SOCS7: variants seen among roughly 807,000 people sequenced by gnomAD.
The protein encoded by SOCS7 is NAP-4.
Under a neutral mutation model 58.9 loss-of-function variants are expected in SOCS7, and 18 were observed. The ratio of observed to expected loss-of-function variants is 0.31; its 90% CI spans 0.21 to 0.45. SOCS7 has a LOEUF of 0.45. Ranked by LOEUF, SOCS7 falls within the 20% of genes least tolerant of loss-of-function variation. SOCS7 has a pLI of 1.00. For synonymous variants in SOCS7, 388 were observed against 364.3 expected, an observed-to-expected ratio of 1.06 and a Z score of -0.74; for missense variants, 667 against 837.3, an observed-to-expected ratio of 0.80 and a Z score of 2.51.
At chr17:38,382,437 CAAA>C (rs1190332565) in intron 7 of SOCS7, among the ~76,000 whole-genome samples, 1,303 of 68,526 alleles carry the variant, frequency 0.019, 21 homozygotes, top group African/African-American at 0.065. Flanking sequence ...GACCCTATCT[CAAA>C]AAAAAAAAAA....
chr17:38,352,827 C>T lies in SOCS7; in HGVS notation c.775C>T (p.Pro259Ser), dbSNP rs1447679165. The change falls in exon 1 of 10, where the codon CCC (proline) becomes TCC (serine). Residue 259 changes from proline to serine, a missense_variant. Physicochemically the swap from Pro to Ser is moderately conservative, Grantham distance 74 (BLOSUM62 -1). Coordinates refer to ENST00000612932, the MANE Select transcript of SOCS7 (RefSeq NM_014598.4). This position sits in a 1 kb window ranked among gnomAD's most constrained non-coding sequence, Gnocchi z 5.5. ...GCAACCTCCCCCGCCCCCGCCTCCT[C>T]CCGGGCCCCTCCGGCCACTCGCGGG... Reference protein sequence around the residue: ...QQQPPPPPPPPGPLRPLAGPS... With the variant: ...QQQPPPPPPPSGPLRPLAGPS... 1.3e-6 allele frequency: 2 copies of T among 1,565,376 alleles called. No individual in the cohort carries two copies. The highest frequency in any genetic ancestry group is 1.7e-6 in the Non-Finnish European group (2 of 1,155,412).
intron 7 of SOCS7, among the ~76,000 whole-genome samples, chr17:38,381,957 A>AAC: frequency 6.7e-6 from 1 of 148,562 alleles, no homozygotes; most frequent in South Asian, 2.1e-4. Flanking sequence ...AAAAAAAAAA[A>AAC]AAAAAAAAAA....
At chr17:38,393,570 G>A (rs1401735007) in intron 7 of SOCS7, among the ~76,000 whole-genome samples, 1 of 151,994 alleles carries the variant, frequency 6.6e-6, no homozygotes, top group African/African-American at 2.4e-5. Context: ...CTAGGAGTTG[G>A]AGCTTGCAGT....
At chr17:38,371,950 G>A (rs188364754) in intron 6 of SOCS7, among the ~76,000 whole-genome samples, 18 of 151,982 alleles carry the variant, frequency 1.2e-4, no homozygotes. Flanking sequence ...GAAAGACTTA[G>A]ATTTCTATTT....
In SOCS7 at chr17:38,352,386, C is replaced by G. The variant is rs1222649026; in HGVS notation, c.334C>G (p.Arg112Gly). The G allele has an allele frequency of 7.0e-7, 1 of 1,436,078 alleles. No individual in the cohort carries two copies. Among genetic ancestry groups the G allele is most frequent in the East Asian group, 2.8e-5 (1 of 36,142 alleles). 89.0% of individuals were successfully genotyped at this position (1,436,078 alleles called of 1,614,324 possible). A position where few individuals can be genotyped will look rare whatever the true frequency, so the allele number is the denominator to read the frequency against. ...KALPPGLALE[R>G]TWGPAAGLEA... The stretch of plus-strand genomic sequence containing the variant: ...CCTGCCGCCGGGCTTGGCGCTCGAG[C>G]GGACCTGGGGCCCGGCGGCTGGACT... The change falls in exon 1 of 10, where the codon CGG (arginine) becomes GGG (glycine). Residue 112 changes from arginine to glycine, a missense_variant. By Grantham distance (125) the Arg-to-Gly change is moderately radical (BLOSUM62 -2). This residue lies in a region of SOCS7 where 154 missense variants were observed against 156.3 expected (regional missense o/e 0.98). Transcript: ENST00000612932. This position sits in a 1 kb window ranked among gnomAD's most constrained non-coding sequence, Gnocchi z 5.5.
chr17:38,358,352 C>A lies in SOCS7; in HGVS notation c.981-3359C>A, dbSNP rs587629241. Among the ~76,000 whole-genome samples, 267 of 152,292 alleles carry A rather than the reference C, an allele frequency of 1.8e-3. 1 individual carries two copies. The highest frequency in any genetic ancestry group is 6.8e-3 in the Middle Eastern group (2 of 294). ...TATTGCTCTCCAAAATATAGTGTGTCAGCTTAGAATGGCCTTTTATCATTC... is the reference window on the plus strand; with the variant it reads ...TATTGCTCTCCAAAATATAGTGTGTAAGCTTAGAATGGCCTTTTATCATTC... On this transcript the variant is annotated intron_variant, in intron 1 of 9. Coordinates refer to ENST00000612932, the MANE Select transcript of SOCS7 (RefSeq NM_014598.4).
intron 1 of SOCS7, among the ~76,000 whole-genome samples, chr17:38,359,502 A>T (rs1025484207): frequency 1.3e-4 from 20 of 152,348 alleles, no homozygotes; most frequent in Middle Eastern, 3.4e-3. Flanking sequence ...AAGCTCAGAC[A>T]TCAGTGTTAA....
intron 1 of SOCS7, among the ~76,000 whole-genome samples, chr17:38,356,098 C>T (rs777174413): frequency 6.6e-6 from 1 of 151,898 alleles, no homozygotes; most frequent in Non-Finnish European, 1.5e-5. Context: ...GCCATGTTTG[C>T]CAGGTTGGTC....
intron 3 of SOCS7, 42 bp downstream of exon 3, chr17:38,364,898 G>A (rs1246611294): frequency 1.3e-6 from 2 of 1,491,094 alleles, no homozygotes; most frequent in Non-Finnish European, 1.9e-6. Context: ...CTAGTGGGAG[G>A]GTGAGCTCCA....
chr17:38,398,835 G>C (rs1295184538), intron 9 of SOCS7, among the ~76,000 whole-genome samples: 2 of 152,112 alleles, frequency 1.3e-5, no homozygotes, highest in Non-Finnish European at 2.9e-5. Flanking sequence ...GTTCACGTCT[G>C]TAATCCCAGC....
chr17:38,361,727 A>G lies in SOCS7; in HGVS notation c.997A>G (p.Arg333Gly). 3 of 1,613,706 alleles carry G rather than the reference A, an allele frequency of 1.9e-6. No homozygotes were observed. Among genetic ancestry groups the G allele is most frequent in the South Asian group, 1.1e-5 (1 of 91,076 alleles). ...LDAGRKPKLT[R>G]TQSAFSPVSF... ...ACTCCCTAGGAAACCCAAGTTGACA[A>G]GAACTCAAAGTGCCTTTTCTCCGGT... Residue 333 changes from arginine to glycine, a missense_variant, in exon 2 of 10, where the codon AGA becomes GGA. This residue lies in a region of SOCS7 where 16 missense variants were observed against 32.7 expected (regional missense o/e 0.49). Coordinates refer to ENST00000612932, the MANE Select transcript of SOCS7 (RefSeq NM_014598.4).
chr17:38,354,758 G>A (rs1567734067), intron 1 of SOCS7, among the ~76,000 whole-genome samples: 1 of 152,190 alleles, frequency 6.6e-6, no homozygotes, highest in Non-Finnish European at 1.5e-5. Flanking sequence ...AGGATAGATT[G>A]CTAATTTTCT....
At chr17:38,389,528 CTTTTA>C (rs2038122637) in intron 7 of SOCS7, among the ~76,000 whole-genome samples, 1 of 152,166 alleles carries the variant, frequency 6.6e-6, no homozygotes, top group Middle Eastern at 3.4e-3. Flanking sequence ...TGCACTCCAG[CTTTTA>C]TTTTATCTCA....
At chr17:38,364,965 A>G (rs999971901) in intron 3 of SOCS7, 109 bp downstream of exon 3, 26 of 771,494 alleles carry the variant, frequency 3.4e-5, no homozygotes, top group Non-Finnish European at 4.9e-5. Flanking sequence ...TGATGACTCA[A>G]TTATTTCCCA....
chr17:38,353,495 A>C (rs1377438491), intron 1 of SOCS7, among the ~76,000 whole-genome samples: 1 of 152,186 alleles, frequency 6.6e-6, no homozygotes, highest in African/African-American at 2.4e-5. Flanking sequence ...TTCAAATGCA[A>C]TTGTAGGCCA....
Position 38,399,509 on chromosome 17 carries a change from C to G in SOCS7, c.*31-4C>G, listed in dbSNP as rs2038291458. ...GTTTTAATTTTTTTTCCTTTTCTAC[C>G]TAGGCATTTGGTTGCCAAGCTCCAG... On this transcript the variant is annotated splice_polypyrimidine_tract_variant and splice_region_variant and intron_variant, in intron 9 of 9. Coordinates refer to ENST00000612932, the MANE Select transcript of SOCS7 (RefSeq NM_014598.4). 1 of 152,556 alleles carries G rather than the reference C, an allele frequency of 6.6e-6. No homozygotes were observed. The allele number at this position is 152,556 out of a possible 1,614,324, so 9.5% of individuals were successfully genotyped here.
At chr17:38,377,165 T>C (rs2037942557) in intron 6 of SOCS7, among the ~76,000 whole-genome samples, 1 of 152,234 alleles carries the variant, frequency 6.6e-6, no homozygotes, top group African/African-American at 2.4e-5. Context: ...TAAGTACATC[T>C]ATATAGAGAG....
intron 3 of SOCS7, 35 bp from the exon 4 acceptor site, chr17:38,365,273 A>G (rs1555568121): frequency 6.6e-7 from 1 of 1,523,310 alleles, no homozygotes; most frequent in Admixed American, 1.8e-5. Context: ...CTGTGCTCAC[A>G]TTTCTGAACC....
chr17:38,365,214 G>T, intron 3 of SOCS7, 94 bp from the exon 4 acceptor site: 2 of 897,098 alleles, frequency 2.2e-6, no homozygotes, highest in Non-Finnish European at 3.4e-6. Context: ...TGCCCCAGAG[G>T]GCAGCCTGAT....
Sources: allele counts gnomAD v4.1 joint callset (sites outside exome capture counted in the v4.1 genomes callset), GRCh38; gene constraint gnomAD v4.1.1; regional missense constraint gnomAD v4.1.1; non-coding constraint Gnocchi (gnomAD v3.1); transcripts MANE v1.5; gene names NCBI Gene and HGNC (gene_info 2026-07-23, HGNC 2026-07-21).